The following SCPEP1 variants were observed in gnomAD, a reference collection of about 807,000 sequenced individuals.
The protein encoded by SCPEP1 is serine carboxypeptidase 1.
A neutral mutation model predicts 63.8 loss-of-function variants in SCPEP1; 51 were observed. The observed-to-expected ratio is 0.80, with a 90% CI of 0.64 to 1.01. SCPEP1 has a LOEUF of 1.01. Ranked by LOEUF, SCPEP1 falls within the 50% of genes least tolerant of loss-of-function variation. SCPEP1 has a pLI of 0.00. For missense variants in SCPEP1, 499 were observed against 554.9 expected (o/e 0.90, Z 1.01); for synonymous variants, 204 against 207.8 (o/e 0.98, Z 0.16).
intron 9 of SCPEP1, 87 bp downstream of exon 9, chr17:56,997,142 T>A: frequency 1.3e-6 from 1 of 780,158 alleles, no homozygotes; most frequent in South Asian, 2.1e-5. Context: ...AAAACTTTAT[T>A]AACATATAAT....
At chr17:56,991,069 C>T (rs772777035) in intron 5 of SCPEP1, 30 bp from the exon 6 acceptor site, 2 of 1,567,760 alleles carry the variant, frequency 1.3e-6, no homozygotes, top group Admixed American at 1.7e-5. Flanking sequence ...CTGCACCTGG[C>T]CTGAGGACGT....
chr17:56,997,140 ATT>A, intron 9 of SCPEP1, 85 bp downstream of exon 9: 19 of 820,936 alleles, frequency 2.3e-5, no homozygotes, highest in Non-Finnish European at 3.0e-5. Flanking sequence ...AAAAAACTTT[ATT>A]AACATATAAT....
chr17:56,994,769 A>C, intron 6 of SCPEP1: 1 of 477,864 alleles, frequency 2.1e-6, no homozygotes, highest in East Asian at 3.5e-5. Context: ...AAGAGTCAAC[A>C]GAAAGGCCCC....
At chr17:56,985,535 G>GC in intron 3 of SCPEP1, 68 bp downstream of exon 3, 1 of 1,169,228 alleles carries the variant, frequency 8.6e-7, no homozygotes, top group Non-Finnish European at 1.3e-6. Context: ...CCAACTCTGG[G>GC]AGGGGCCACA....
At chr17:56,993,764 T>C (rs1009115557) in intron 6 of SCPEP1, among the ~76,000 whole-genome samples, 5 of 152,328 alleles carry the variant, frequency 3.3e-5, no homozygotes, top group East Asian at 3.9e-4. Context: ...GTTAATTTAC[T>C]GTCTATGGCT....
Position 57,002,170 on chromosome 17 carries a change from G to A in SCPEP1, c.1285G>A (p.Ala429Thr). 6.2e-7 allele frequency: 1 copy of A among 1,613,512 alleles called. No individual in the cohort carries two copies. The highest frequency in any genetic ancestry group is 8.5e-7 in the Non-Finnish European group (1 of 1,179,806). Residue 429 changes from alanine (A) to threonine (T), a missense_variant, in exon 12 of 13, where the codon GCT (alanine) becomes ACT (threonine). Physicochemically the swap from Ala to Thr is moderately conservative, Grantham distance 58. Coordinates refer to ENST00000262288, the MANE Select transcript of SCPEP1 (RefSeq NM_021626.3). ...CCTTGCTTTCTACTGGATTCTGAAA[G>A]CTGGTCATATGGTAAGAAAGAGCTT... Reference protein sequence around the residue: ...KNLAFYWILKAGHMVPSDQGD... With the variant: ...KNLAFYWILKTGHMVPSDQGD...
intron 9 of SCPEP1, 119 bp from the exon 10 acceptor site, chr17:56,998,266 G>A (rs548580898): frequency 7.8e-6 from 5 of 638,492 alleles, no homozygotes; most frequent in East Asian, 2.9e-5. Flanking sequence ...AGCCGAGATC[G>A]TGCCACTGCA....
chr17:56,988,389 A>G lies in SCPEP1; in HGVS notation c.546+99A>G, dbSNP rs1286911272. ...TATTAAATATACTTTGAATAGGGCC[A>G]TGTACATGCAGAGTACGATTAAATC... On this transcript the variant is annotated intron_variant, in intron 5 of 12. Transcript: ENST00000262288. 55 of 845,196 alleles carry G rather than the reference A, an allele frequency of 6.5e-5. No individual in the cohort carries two copies. The Admixed American group carries it at 1.2e-3, about 18-fold the overall frequency. The allele number at this position is 845,196 out of a possible 1,614,324, so 52.4% of individuals were successfully genotyped here.
chr17:56,980,788 C>CAA (rs10716600), intron 1 of SCPEP1, among the ~76,000 whole-genome samples: 21 of 77,136 alleles, frequency 2.7e-4, no homozygotes, highest in Admixed American at 6.3e-4. Context: ...GACTTCGTAT[C>CAA]AAAAAAAAAA....
At chr17:56,987,603 G>A (rs1911261889) in intron 3 of SCPEP1, 92 bp from the exon 4 acceptor site, 1 of 1,292,974 alleles carries the variant, frequency 7.7e-7, no homozygotes, top group African/African-American at 1.5e-5. Context: ...CCTCACATGT[G>A]TGGGTTTTGC....
chr17:56,988,063 C>CA (rs1174270170), intron 4 of SCPEP1, among the ~76,000 whole-genome samples, 153 bp from the exon 5 acceptor site: 1 of 152,204 alleles, frequency 6.6e-6, no homozygotes, highest in Non-Finnish European at 1.5e-5. Flanking sequence ...GCATTCTAAT[C>CA]AGACGCAATA....
In SCPEP1 at chr17:56,989,449, G is replaced by A. The variant is rs182268300; in HGVS notation, c.546+1159G>A. On this transcript the variant is annotated intron_variant, in intron 5 of 12. Coordinates refer to ENST00000262288, the MANE Select transcript of SCPEP1 (RefSeq NM_021626.3). ...AAATTTAAAAGGACAATTTGACAAT[G>A]TCAATTTTTTAAAGATATGTGTCAT... Among the ~76,000 whole-genome samples, 6 of 152,264 alleles carry A rather than the reference G, an allele frequency of 3.9e-5. No individual in the cohort carries two copies. In the East Asian group the frequency reaches 7.7e-4, roughly 20 times the overall value.
Position 56,989,123 on chromosome 17 carries a change from G to A in SCPEP1, c.546+833G>A, listed in dbSNP as rs75546198. On this transcript the variant is annotated intron_variant, in intron 5 of 12. Transcript: ENST00000262288. ...GAGGATCGCTTGAGCTCAAGGAGTT[G>A]AAGCTGCAGTGAGCTGTGATCATGG... 6.7e-3 allele frequency among the ~76,000 whole-genome samples: 1,027 copies of A among 152,278 alleles called. 4 individuals carry two copies. The highest frequency in any genetic ancestry group is 0.011 in the Non-Finnish European group (739 of 68,022).
At chr17:56,998,005 C>T (rs1911620228) in intron 9 of SCPEP1, 2 of 193,546 alleles carry the variant, frequency 1.0e-5, no homozygotes, top group Admixed American at 1.1e-4. Context: ...TGCAGCATCC[C>T]CAGCAGCTTG....
intron 12 of SCPEP1, among the ~76,000 whole-genome samples, chr17:57,004,366 TAAATAAAC>T (rs2144512918): frequency 6.6e-6 from 1 of 152,176 alleles, no homozygotes; most frequent in Non-Finnish European, 1.5e-5. Context: ...AGTAAATCAA[TAAATAAAC>T]AAATAGACTT....
chr17:56,987,586 C>A, intron 3 of SCPEP1, 109 bp from the exon 4 acceptor site: 1 of 965,026 alleles, frequency 1.0e-6, no homozygotes, highest in Non-Finnish European at 1.5e-6. Flanking sequence ...CATCACCACG[C>A]TGGTATCCTC....
intron 3 of SCPEP1, chr17:56,987,190 T>C (rs1467694296): frequency 6.6e-6 from 1 of 152,424 alleles, no homozygotes; most frequent in East Asian, 1.9e-4. Flanking sequence ...GTAAATTTTA[T>C]AACTTTCAAC....
intron 1 of SCPEP1, among the ~76,000 whole-genome samples, chr17:56,979,025 C>T (rs1484255246): frequency 1.3e-5 from 2 of 152,176 alleles, no homozygotes; most frequent in Non-Finnish European, 2.9e-5. Context: ...CTCAAGGGAG[C>T]GCAGCCTTAT....
intron 11 of SCPEP1, 122 bp from the exon 12 acceptor site, chr17:57,001,895 CA>C (rs1911748668): frequency 5.9e-6 from 6 of 1,013,274 alleles, no homozygotes; most frequent in Non-Finnish European, 8.7e-6. Context: ...TGCATTTTAA[CA>C]AGATCCTGAG....
Sources: gnomAD v4.1 joint callset for allele counts (sites outside exome capture counted in the v4.1 genomes callset) on GRCh38, gnomAD v4.1.1 for gene constraint, MANE v1.5 for transcripts, NCBI Gene and HGNC (gene_info 2026-07-23, HGNC 2026-07-21) for gene names.